Variants in HDAC9 observed in about 807,000 individuals in gnomAD.
The protein encoded by HDAC9 is histone deacetylase 9.
A neutral mutation model predicts 139.4 loss-of-function variants in HDAC9; 41 were observed. The observed-to-expected ratio is 0.29, with a 90% CI of 0.23 to 0.38. HDAC9 has a LOEUF of 0.38. Ranked by LOEUF, HDAC9 falls within the 10% of genes least tolerant of loss-of-function variation. HDAC9 has a pLI of 1.00. For synonymous variants in HDAC9, 517 were observed against 476.2 expected, an observed-to-expected ratio of 1.09 and a Z score of -1.12; for missense variants, 1,147 against 1,297.0, an observed-to-expected ratio of 0.88 and a Z score of 1.78.
In HDAC9 at chr7:18,883,008, A is replaced by G. The variant is rs566923536; in HGVS notation, c.2803+8412A>G. ...ATTTCACATTTCTATATCTGTTTGT[A>G]TTCCTACTTTATAATAAATCCAGAG... On this transcript the variant is annotated intron_variant, in intron 22 of 25. Transcript: ENST00000686413. Among the ~76,000 whole-genome samples the G allele has an allele frequency of 6.6e-5, 10 of 152,282 alleles. No individual in the cohort carries two copies. In the South Asian group the frequency reaches 1.9e-3, roughly 28 times the overall value.
intron 13 of HDAC9, among the ~76,000 whole-genome samples, chr7:18,733,300 G>GTGTATATAATGTATATATACACA (rs1250358994): frequency 1.4e-5 from 2 of 140,188 alleles, no homozygotes; most frequent in African/African-American, 5.2e-5. Flanking sequence ...GTGTATATAT[G>GTGTATATAATGTATATATACACA]TGTATATAAT....
chr7:18,714,134 G>C (rs187718788), intron 12 of HDAC9, among the ~76,000 whole-genome samples: 1 of 152,094 alleles, frequency 6.6e-6, no homozygotes, highest in Non-Finnish European at 1.5e-5. Context: ...TTCCTAATTT[G>C]CATCTTTGTA....
At chr7:18,180,179 C>T (rs1789279427) in intron 2 of HDAC9, among the ~76,000 whole-genome samples, 1 of 151,236 alleles carries the variant, frequency 6.6e-6, no homozygotes, top group South Asian at 2.1e-4. Flanking sequence ...TGTTTTTACA[C>T]TGTTTGTCAT....
At chr7:18,729,841 G>A (rs1302338785) in intron 13 of HDAC9, among the ~76,000 whole-genome samples, 1 of 152,048 alleles carries the variant, frequency 6.6e-6, no homozygotes. Context: ...GAAAACACAG[G>A]ATTTTGTACT....
intron 2 of HDAC9, among the ~76,000 whole-genome samples, chr7:18,559,832 A>G (rs1005318262): frequency 6.6e-6 from 1 of 152,206 alleles, no homozygotes; most frequent in African/African-American, 2.4e-5. Flanking sequence ...ATTATATTCT[A>G]AGGTCTTTTA....
At chr7:18,812,630 A>T (rs12699984) in intron 17 of HDAC9, among the ~76,000 whole-genome samples, 76,903 of 151,548 alleles carry the variant, frequency 0.51, 22,364 homozygotes, top group African/African-American at 0.8. Flanking sequence ...ATTAGGTAGA[A>T]TTCCTCTTTT....
intron 22 of HDAC9, among the ~76,000 whole-genome samples, chr7:18,880,726 T>C (rs1799671788): frequency 6.6e-6 from 1 of 151,698 alleles, no homozygotes; most frequent in Non-Finnish European, 1.5e-5. Flanking sequence ...TGAAATAATC[T>C]GTACAATAAA....
chr7:18,204,190 T>C (rs1219262715), intron 2 of HDAC9, among the ~76,000 whole-genome samples: 3 of 152,138 alleles, frequency 2.0e-5, no homozygotes, highest in African/African-American at 7.2e-5. Flanking sequence ...TATTCCATTA[T>C]ATTTATGACG....
chr7:18,564,083 C>G (rs1411154359), intron 2 of HDAC9, among the ~76,000 whole-genome samples: 2 of 152,080 alleles, frequency 1.3e-5, no homozygotes, highest in African/African-American at 4.8e-5. Flanking sequence ...GATCCGCCCG[C>G]CCCGGCCTCC....
At chr7:18,428,906 T>G (rs1207381402) in intron 1 of HDAC9, among the ~76,000 whole-genome samples, 1 of 152,244 alleles carries the variant, frequency 6.6e-6, no homozygotes, top group Admixed American at 6.5e-5. Flanking sequence ...TTGCATTTGC[T>G]GATCCCAGTG....
chr7:18,556,404 A>G (rs1376535928), intron 2 of HDAC9, among the ~76,000 whole-genome samples: 1 of 152,110 alleles, frequency 6.6e-6, no homozygotes, highest in Non-Finnish European at 1.5e-5. Flanking sequence ...ATTCAGAAAT[A>G]AGAAATGTAG....
At chr7:18,103,829 G>T (rs1783011067) in intron 1 of HDAC9, among the ~76,000 whole-genome samples, 1 of 119,606 alleles carries the variant, frequency 8.4e-6, no homozygotes, top group South Asian at 3.3e-4. Flanking sequence ...TAAAACATCG[G>T]AATAAATGTG....
intron 13 of HDAC9, among the ~76,000 whole-genome samples, chr7:18,739,176 G>T (rs959737161): frequency 6.6e-6 from 1 of 152,098 alleles, no homozygotes; most frequent in African/African-American, 2.4e-5. Flanking sequence ...CTTTTTTCAA[G>T]GTTTTTAGCT....
intron 25 of HDAC9, among the ~76,000 whole-genome samples, chr7:18,991,632 G>A (rs956537950): frequency 1.8e-4 from 26 of 147,954 alleles, no homozygotes; most frequent in East Asian, 5.9e-4. Context: ...GAGAGACTCC[G>A]TCTCAAAAGA....
chr7:18,762,974 A>T (rs1374494902), intron 15 of HDAC9, among the ~76,000 whole-genome samples: 1 of 152,192 alleles, frequency 6.6e-6, no homozygotes, highest in Non-Finnish European at 1.5e-5. Context: ...TCCTTATTTT[A>T]GCTGAAATGA....
rs1491132389 is a variant in HDAC9 at position 18,786,584 on chromosome 7, G to GGCTGGCTT, written c.2215-6758_2215-6757insGGCTTGCT. 1.1e-3 allele frequency among the ~76,000 whole-genome samples: 57 copies of GGCTGGCTT among 50,518 alleles called. 1 individual carries two copies. Among genetic ancestry groups the GGCTGGCTT allele is most frequent in the South Asian group, 3.4e-3 (4 of 1,194 alleles). 33.1% of individuals were successfully genotyped at this position (50,518 alleles called of 152,430 possible). A position where few individuals can be genotyped will look rare whatever the true frequency, so the allele number is the denominator to read the frequency against. ...TCACACCTCTTGGGTATGGCTGGCTGGCTTCCTTCCTTCCTTCCTTCCTTC... is the reference window on the plus strand; with the variant it reads ...TCACACCTCTTGGGTATGGCTGGCTGGCTGGCTTGCTTCCTTCCTTCCTTCCTTCCTTC... On this transcript the variant is annotated intron_variant, in intron 16 of 25. Coordinates refer to ENST00000686413, the MANE Select transcript of HDAC9 (RefSeq NM_178425.4).
chr7:18,973,167 A>C (rs374027323), intron 24 of HDAC9, among the ~76,000 whole-genome samples: 3 of 152,290 alleles, frequency 2.0e-5, no homozygotes, highest in Non-Finnish European at 4.4e-5. Context: ...TAAAATTACA[A>C]ATTATAAATG....
chr7:18,833,265 C>T (rs879326916), intron 19 of HDAC9, among the ~76,000 whole-genome samples: 4 of 152,036 alleles, frequency 2.6e-5, no homozygotes, highest in Admixed American at 6.5e-5. Flanking sequence ...AGTAAGTACC[C>T]AACAGATTTT....
intron 12 of HDAC9, among the ~76,000 whole-genome samples, chr7:18,689,269 T>C (rs1348594215): frequency 6.6e-6 from 1 of 151,352 alleles, no homozygotes; most frequent in East Asian, 1.9e-4. Flanking sequence ...GTAGGATAAA[T>C]AATGAGTTTA....
Sources: gnomAD v4.1 joint callset for allele counts (sites outside exome capture counted in the v4.1 genomes callset) on GRCh38, gnomAD v4.1.1 for gene constraint, MANE v1.5 for transcripts, NCBI Gene and HGNC (gene_info 2026-07-23, HGNC 2026-07-21) for gene names.